UIMC1: variants seen among roughly 807,000 people sequenced by gnomAD.
UIMC1 encodes BRCA1-A complex subunit RAP80.
Under a neutral mutation model 84.9 loss-of-function variants are expected in UIMC1, and 42 were observed. The ratio of observed to expected loss-of-function variants is 0.49; its 90% CI spans 0.39 to 0.64. UIMC1 has a LOEUF of 0.64. UIMC1 is among the 30% of genes least tolerant of loss of function. UIMC1 has a pLI of 0.00. For missense variants in UIMC1, 825 were observed against 847.6 expected (o/e 0.97, Z 0.33); for synonymous variants, 281 against 293.0 (o/e 0.96, Z 0.42).
At chr5:177,006,881 C>G (rs1775359015), upstream of UIMC1, 1 of 152,246 alleles carries the variant, frequency 6.6e-6, no homozygotes, top group Non-Finnish European at 1.5e-5. Context: ...AGCCGGCTCG[C>G]ACCTTGCGCG....
chr5:176,979,792 G>A (rs764866918), intron 2 of UIMC1, among the ~76,000 whole-genome samples: 8 of 152,036 alleles, frequency 5.3e-5, no homozygotes, highest in Admixed American at 1.3e-4. Flanking sequence ...AAGGTCTCCC[G>A]GAAATACTAT....
At chr5:176,949,272 G>GC (rs1270906610) in intron 9 of UIMC1, among the ~76,000 whole-genome samples, 1 of 152,120 alleles carries the variant, frequency 6.6e-6, no homozygotes, top group Non-Finnish European at 1.5e-5. Flanking sequence ...TCAGCAAACA[G>GC]CAACACCAAA....
chr5:176,951,488 T>C lies in UIMC1; in HGVS notation c.1429A>G (p.Met477Val). ...AAAATATTCACCTCCTTATCTGCCA[T>C]TATTATTCTGACTCCATCCAAGATA... The part of the protein sequence containing the change: ...RDILDGVRII[M>V]ADKEVGNKED... The change falls in exon 9 of 15, where the codon ATG (methionine) becomes GTG (valine). Residue 477 changes from methionine to valine, a missense_variant. Coordinates refer to ENST00000511320, the MANE Select transcript of UIMC1 (RefSeq NM_001199298.2). The C allele has an allele frequency of 2.6e-6, 4 of 1,554,182 alleles. No homozygotes were observed. The South Asian group carries it at 5.1e-5, about 20-fold the overall frequency.
chr5:176,908,407 G>T, intron 12 of UIMC1, 116 bp downstream of exon 12: 1 of 1,048,600 alleles, frequency 9.5e-7, no homozygotes, highest in Non-Finnish European at 1.3e-6. Context: ...CTTGTTTCAA[G>T]ATAAATAGAG....
intron 10 of UIMC1, among the ~76,000 whole-genome samples, chr5:176,927,111 C>G (rs1338638765): frequency 6.6e-6 from 1 of 151,554 alleles, no homozygotes; most frequent in African/African-American, 2.4e-5. Context: ...GCTTATAATC[C>G]CAACACTTTG....
At chr5:176,957,029 G>A (rs1000591305) in intron 7 of UIMC1, among the ~76,000 whole-genome samples, 4 of 152,078 alleles carry the variant, frequency 2.6e-5, no homozygotes, top group African/African-American at 7.2e-5. Flanking sequence ...CATTGCCTGC[G>A]ATTCCAACTC....
chr5:176,986,880 G>C (rs891283615), intron 1 of UIMC1, among the ~76,000 whole-genome samples: 4 of 152,144 alleles, frequency 2.6e-5, no homozygotes, highest in African/African-American at 9.7e-5. Context: ...ACGATTTGCA[G>C]ATGACATGAC....
chr5:176,925,021 ACT>A (rs1453907902), intron 10 of UIMC1, among the ~76,000 whole-genome samples: 2 of 145,722 alleles, frequency 1.4e-5, no homozygotes, highest in Admixed American at 7.0e-5. Flanking sequence ...ACAGAGCAAG[ACT>A]CTGCCTCAAA....
chr5:176,945,343 C>CTCACA (rs1472185641), intron 9 of UIMC1, among the ~76,000 whole-genome samples: 2 of 152,178 alleles, frequency 1.3e-5, no homozygotes, highest in Non-Finnish European at 2.9e-5. Flanking sequence ...GGCACAGTGG[C>CTCACA]TCACATCTGT....
chr5:176,996,856 G>A (rs1581694180), intron 1 of UIMC1, among the ~76,000 whole-genome samples: 2 of 152,154 alleles, frequency 1.3e-5, no homozygotes, highest in Non-Finnish European at 2.9e-5. Context: ...CAACAAATGA[G>A]AAGATGAGTC....
chr5:176,923,874 A>AATAT (rs1554109430), intron 10 of UIMC1, among the ~76,000 whole-genome samples: 1 of 146,276 alleles, frequency 6.8e-6, no homozygotes, highest in African/African-American at 2.6e-5. Flanking sequence ...AAAAAAAAAA[A>AATAT]ATATATATAT....
At chr5:176,950,274 A>T (rs1765697806) in intron 9 of UIMC1, among the ~76,000 whole-genome samples, 1 of 150,334 alleles carries the variant, frequency 6.7e-6, no homozygotes, top group South Asian at 2.1e-4. Context: ...TAATTTTTGT[A>T]TTTTTAGTAG....
At chr5:176,978,469 T>C (rs1370246170) in intron 2 of UIMC1, among the ~76,000 whole-genome samples, 1 of 152,146 alleles carries the variant, frequency 6.6e-6, no homozygotes, top group Non-Finnish European at 1.5e-5. Context: ...TCCTATACTA[T>C]TTAAATTGTG....
chr5:177,015,823 A>G (rs1345353264), intron 1 of UIMC1, among the ~76,000 whole-genome samples: 1 of 151,590 alleles, frequency 6.6e-6, no homozygotes, highest in Non-Finnish European at 1.5e-5. Flanking sequence ...TAATCCCAGC[A>G]CTTTGGGAGG....
chr5:176,983,166 C>T (rs1771310032), intron 1 of UIMC1, among the ~76,000 whole-genome samples: 1 of 151,954 alleles, frequency 6.6e-6, no homozygotes, highest in African/African-American at 2.4e-5. Flanking sequence ...AAAGATAACC[C>T]TATCTAACAG....
rs1318973552 is a variant in UIMC1 at position 176,963,169 on chromosome 5, A to T, written c.1201-5015T>A. ...TAAAAAAATAAATTAAAAAAAAAAA[A>T]AAAAAAAAAAAAAAAAAATTCAAAG... On this transcript the variant is annotated intron_variant, in intron 6 of 14. Coordinates refer to ENST00000511320, the MANE Select transcript of UIMC1 (RefSeq NM_001199298.2). Among the ~76,000 whole-genome samples the T allele has an allele frequency of 4.7e-4, 14 of 29,600 alleles. 6 individuals carry two copies. The African/African-American group carries it at 5.6e-3, about 12-fold the overall frequency. The allele number at this position is 29,600 out of a possible 152,430, so 19.4% of individuals were successfully genotyped here. A position where few individuals can be genotyped will look rare whatever the true frequency, so the allele number is the denominator to read the frequency against.
chr5:176,978,596 T>G (rs1279177528), intron 2 of UIMC1, among the ~76,000 whole-genome samples: 1 of 152,044 alleles, frequency 6.6e-6, no homozygotes, highest in Non-Finnish European at 1.5e-5. Context: ...CCAATGGCAC[T>G]AGGAGTACAG....
chr5:176,940,758 AT>A (rs1479529245), intron 10 of UIMC1, among the ~76,000 whole-genome samples: 1 of 152,210 alleles, frequency 6.6e-6, no homozygotes. Context: ...TGACATAGTA[AT>A]TTCACTACTG....
At chr5:176,996,499 C>G (rs939619470) in intron 1 of UIMC1, among the ~76,000 whole-genome samples, 1 of 152,156 alleles carries the variant, frequency 6.6e-6, no homozygotes. Flanking sequence ...CTCAAGAAAA[C>G]TATAAAGCTA....
Sources: gnomAD v4.1 joint callset for allele counts (sites outside exome capture counted in the v4.1 genomes callset) on GRCh38, gnomAD v4.1.1 for gene constraint, MANE v1.5 for transcripts, NCBI Gene and HGNC (gene_info 2026-07-23, HGNC 2026-07-21) for gene names.